Variants in BUB1 observed in about 807,000 individuals in gnomAD.
BUB1 encodes the protein mitotic checkpoint serine/threonine-protein kinase BUB1.
A neutral mutation model predicts 135.2 loss-of-function variants in BUB1; 84 were observed. The ratio of observed to expected loss-of-function variants is 0.62; its 90% confidence interval spans 0.52 to 0.74. The LOEUF (loss-of-function observed/expected upper bound fraction) is 0.74. Ranked by LOEUF, BUB1 falls within the 30% of genes least tolerant of loss-of-function variation. The pLI is 0.00. For synonymous variants in BUB1, 403 were observed against 434.4 expected, an observed-to-expected ratio of 0.93 and a Z score of 0.90; for missense variants, 1,162 against 1,288.3, an observed-to-expected ratio of 0.90 and a Z score of 1.50.
chr2:110,660,375 T>A (rs1690050065), intron 10 of BUB1, among the ~76,000 whole-genome samples: 2 of 149,770 alleles, frequency 1.3e-5, no homozygotes, highest in Admixed American at 6.6e-5. Context: ...AGACTCCATC[T>A]CAAAACAAAA....
intron 6 of BUB1, 24 bp from the exon 7 acceptor site, chr2:110,667,873 A>G: frequency 6.2e-7 from 1 of 1,606,200 alleles, no homozygotes; most frequent in Non-Finnish European, 8.5e-7. Flanking sequence ...AACAAACATG[A>G]GCATTCACTT....
In BUB1 at chr2:110,658,635, C is replaced by A. The variant is rs766709323; in HGVS notation, c.1384G>T (p.Val462Leu). ...TPSKVQPSPT[V>L]HTKEALGFIM... ...TTACCTAATGCTTCTTTTGTGTGCA[C>A]GGTGGGTGATGGCTGCACTTTGGAT... Residue 462 changes from valine (V) to leucine (L), a missense_variant, in exon 12 of 25, where the codon GTG (valine) becomes TTG (leucine). Transcript: ENST00000302759. 1.9e-6 allele frequency: 3 copies of A among 1,614,174 alleles called. No homozygotes were observed. The highest frequency in any genetic ancestry group is 2.5e-6 in the Non-Finnish European group (3 of 1,180,028).
At chr2:110,676,396 C>A (rs1690584513) in intron 1 of BUB1, 2 of 152,188 alleles carry the variant, frequency 1.3e-5, no homozygotes, top group South Asian at 4.1e-4. Flanking sequence ...TCGCATCTTG[C>A]TTGTAGGTGG....
chr2:110,651,865 T>C (rs1689796318), intron 17 of BUB1, among the ~76,000 whole-genome samples: 1 of 152,222 alleles, frequency 6.6e-6, no homozygotes, highest in South Asian at 2.1e-4. Flanking sequence ...TACATGTTTT[T>C]AGCCTATGAG....
intron 23 of BUB1, 23 bp downstream of exon 23, chr2:110,641,011 A>T (rs1456073231): frequency 6.6e-7 from 1 of 1,525,950 alleles, no homozygotes; most frequent in Non-Finnish European, 8.8e-7. Flanking sequence ...AATATTTCCA[A>T]GTCCCTCACT....
At chr2:110,672,890 T>C (rs1208839254) in intron 3 of BUB1, 33 bp from the exon 4 acceptor site, 2 of 1,523,548 alleles carry the variant, frequency 1.3e-6, no homozygotes, top group Non-Finnish European at 8.8e-7. Context: ...GACATAAGAA[T>C]AATGGAACTG....
rs1294867221 is a variant in BUB1, at chr2:110,661,600, AC to A, written c.1198del (p.Val400TrpfsTer9). 1.9e-6 allele frequency: 3 copies of A among 1,614,010 alleles called. No individual in the cohort carries two copies. The highest frequency in any genetic ancestry group is 2.5e-6 in the Non-Finnish European group (3 of 1,180,012). ...AGCTTACCCAGCATCTTTGCTGGCC[AC>A]TGCAAACATGGAGTCTGTTACTGTC... ...AQTVTDSMFAVASKDAGCVNK... is the reference protein window; with the variant it reads ...AQTVTDSMFAXASKDAGCVNK... On this transcript the variant is annotated frameshift_variant, in exon 10 of 25. Transcript: ENST00000302759. LOFTEE classifies it high-confidence loss of function.
chr2:110,653,511 G>C lies in BUB1; in HGVS notation c.1889C>G (p.Ala630Gly), dbSNP rs1431573704. The stretch of plus-strand genomic sequence containing the variant: ...CAAAGTCGCCTGGGTACACTGTTTT[G>C]CTACCACATTTTCTGAAAGATTCAA... ...HILEDKENVV[A>G]KQCTQATLDS... The change falls in exon 17 of 25, where the codon GCA becomes GGA. Residue 630 changes from alanine to glycine, a missense_variant. Physicochemically the swap from Ala to Gly is moderately conservative, Grantham distance 60. Transcript: ENST00000302759. 2.5e-6 allele frequency: 4 copies of C among 1,613,662 alleles called. No homozygotes were observed. Among genetic ancestry groups the C allele is most frequent in the Admixed American group, 3.3e-5 (2 of 59,938 alleles).
chr2:110,653,121 A>G (rs1457365033), intron 17 of BUB1, among the ~76,000 whole-genome samples: 1 of 152,096 alleles, frequency 6.6e-6, no homozygotes. Context: ...AGTCTTTCTT[A>G]GTTTCCCAAG....
intron 14 of BUB1, 132 bp from the exon 15 acceptor site, chr2:110,657,249 T>G (rs1353036927): frequency 2.8e-6 from 2 of 720,652 alleles, no homozygotes; most frequent in Admixed American, 3.3e-5. Flanking sequence ...TCCTTGCTTT[T>G]ATAGCAGTTC....
chr2:110,654,633 C>CTTTTTT (rs57453073), intron 16 of BUB1, among the ~76,000 whole-genome samples: 2 of 126,996 alleles, frequency 1.6e-5, no homozygotes, highest in Admixed American at 7.8e-5. Context: ...AGGCTTTAAT[C>CTTTTTT]TTTTTTTTTT....
At chr2:110,650,479 T>C (rs1410188786) in intron 18 of BUB1, 67 bp downstream of exon 18, 1 of 1,490,576 alleles carries the variant, frequency 6.7e-7, no homozygotes, top group Non-Finnish European at 9.2e-7. Context: ...TGGGTTTCTT[T>C]CATGGGACAG....
chr2:110,665,023 G>A (rs1417542966), intron 9 of BUB1, among the ~76,000 whole-genome samples: 2 of 152,138 alleles, frequency 1.3e-5, no homozygotes, highest in Non-Finnish European at 2.9e-5. Flanking sequence ...AGCATTTTAG[G>A]TACATACACT....
At chr2:110,663,942 T>C (rs972753602) in intron 9 of BUB1, among the ~76,000 whole-genome samples, 1 of 146,122 alleles carries the variant, frequency 6.8e-6, no homozygotes, top group Admixed American at 7.2e-5. Context: ...GGCAGGAGAA[T>C]GGCGTGAACC....
intron 18 of BUB1, among the ~76,000 whole-genome samples, chr2:110,649,902 T>A (rs1689736296): frequency 1.3e-5 from 2 of 152,126 alleles, no homozygotes; most frequent in African/African-American, 4.8e-5. Flanking sequence ...TACAAAAAAT[T>A]ATATTAGTGG....
chr2:110,659,334 C>A (rs765343414), intron 11 of BUB1, among the ~76,000 whole-genome samples: 8 of 152,192 alleles, frequency 5.3e-5, no homozygotes, highest in African/African-American at 1.2e-4. Flanking sequence ...CCAAATATCA[C>A]CTTGACTGAA....
chr2:110,660,539 T>G (rs560749562), intron 10 of BUB1, among the ~76,000 whole-genome samples: 5 of 147,136 alleles, frequency 3.4e-5, no homozygotes, highest in East Asian at 2.0e-4. Context: ...AAATAAACTG[T>G]TTTTTTTTTC....
intron 18 of BUB1, among the ~76,000 whole-genome samples, 197 bp downstream of exon 18, chr2:110,650,349 C>T (rs1289397668): frequency 6.6e-6 from 1 of 152,168 alleles, no homozygotes; most frequent in African/African-American, 2.4e-5. Flanking sequence ...TTGATACCTT[C>T]TAAAATTAAA....
At chr2:110,657,885 C>T (rs557373371) in intron 13 of BUB1, among the ~76,000 whole-genome samples, 5 of 152,224 alleles carry the variant, frequency 3.3e-5, no homozygotes, top group Admixed American at 2.6e-4. Context: ...AGGTGTTAAT[C>T]ATTCTCCTAA....
Sources: gnomAD v4.1 joint callset for allele counts (sites outside exome capture counted in the v4.1 genomes callset) on GRCh38, gnomAD v4.1.1 for gene constraint, MANE v1.5 for transcripts, NCBI Gene and HGNC (gene_info 2026-07-23, HGNC 2026-07-21) for gene names.